The following PRRC2B variants were observed in gnomAD, a reference collection of about 807,000 sequenced individuals.
The protein encoded by PRRC2B is proline rich coiled-coil 2B.
Under a neutral mutation model 242.3 loss-of-function variants are expected in PRRC2B, and 68 were observed. That is an observed-to-expected ratio of 0.28 (90% CI 0.23 to 0.34). The LOEUF is 0.34. PRRC2B is among the 10% of genes least tolerant of loss of function. PRRC2B has a pLI of 1.00. For synonymous variants in PRRC2B, 1,228 were observed against 1,173.6 expected, an observed-to-expected ratio of 1.05 and a Z score of -0.95; for missense variants, 2,835 against 2,954.8, an observed-to-expected ratio of 0.96 and a Z score of 0.94.
chr9:131,450,995 T>A (rs1265671635), intron 9 of PRRC2B, among the ~76,000 whole-genome samples: 1 of 152,244 alleles, frequency 6.6e-6, no homozygotes, highest in Non-Finnish European at 1.5e-5. Flanking sequence ...GTCCTGAATG[T>A]CTTTTGTTAA....
chr9:131,481,039 C>G (rs970664212), intron 19 of PRRC2B, among the ~76,000 whole-genome samples: 2 of 151,778 alleles, frequency 1.3e-5, no homozygotes, highest in African/African-American at 4.8e-5. Context: ...TGGTGGCTCA[C>G]GTCTGTAATC....
rs1182770364 is a variant in PRRC2B, at chr9:131,494,713, A to C, written c.6555+227A>C. ...TCCTTCCTTGTCCTGCAGAGAAGGG[A>C]GGATGCTGATTCCTCTGAGGAGGTG... On this transcript the variant is annotated intron_variant, in intron 31 of 31. Coordinates refer to ENST00000683519, the MANE Select transcript of PRRC2B (RefSeq NM_013318.4). This position sits in a 1 kb window ranked among gnomAD's most constrained non-coding sequence, Gnocchi z 4.3. Among the ~76,000 whole-genome samples, 1 of 151,988 alleles carries C rather than the reference A, an allele frequency of 6.6e-6. No individual in the cohort carries two copies. The highest frequency in any genetic ancestry group is 1.5e-5 in the Non-Finnish European group (1 of 67,978).
intron 1 of PRRC2B, among the ~76,000 whole-genome samples, chr9:131,374,127 T>G (rs1232858818): frequency 6.6e-6 from 1 of 151,674 alleles, no homozygotes; most frequent in Non-Finnish European, 1.5e-5. Context: ...GATATTTCAG[T>G]CACCCTGATT....
At position 131,469,102 on chromosome 9, in the gene PRRC2B, G is replaced by A. The variant is rs138948878; in HGVS notation, c.1911+1349G>A. ...CGCCTGTAATCCCAGCACTTTGGGA[G>A]GCAGACAGATCACCTGAGGTCAGGA... On this transcript the variant is annotated intron_variant, in intron 13 of 31. Coordinates refer to ENST00000683519, the MANE Select transcript of PRRC2B (RefSeq NM_013318.4). Among the ~76,000 whole-genome samples, 436 of 152,250 alleles carry A rather than the reference G, an allele frequency of 2.9e-3. 1 individual carries two copies. Among genetic ancestry groups the A allele is most frequent in the Middle Eastern group, 0.014 (4 of 294 alleles).
intron 1 of PRRC2B, among the ~76,000 whole-genome samples, chr9:131,397,699 C>T (rs1837107811): frequency 6.7e-6 from 1 of 150,374 alleles, no homozygotes; most frequent in Non-Finnish European, 1.5e-5. Context: ...CTATTTCAAA[C>T]CAGAATAGGC....
intron 1 of PRRC2B, among the ~76,000 whole-genome samples, chr9:131,413,548 A>G (rs1837560832): frequency 6.6e-6 from 1 of 152,190 alleles, no homozygotes; most frequent in Non-Finnish European, 1.5e-5. Context: ...GCTAATTTTT[A>G]GTGGAGACGT....
intron 1 of PRRC2B, among the ~76,000 whole-genome samples, chr9:131,425,724 C>CG (rs1225118204): frequency 6.7e-6 from 1 of 149,282 alleles, no homozygotes; most frequent in Non-Finnish European, 1.5e-5. Context: ...CTCCTGACCT[C>CG]GTGATCACCC....
intron 5 of PRRC2B, among the ~76,000 whole-genome samples, chr9:131,439,343 A>G (rs1588251644): frequency 6.6e-6 from 1 of 152,162 alleles, no homozygotes; most frequent in African/African-American, 2.4e-5. Context: ...TTTCTAGCAT[A>G]CTGTGCTTCA....
rs1564278538 is a variant in PRRC2B, at chr9:131,420,472, TC to T, written c.-51-9621del. Among the ~76,000 whole-genome samples, 24 of 11,786 alleles carry T rather than the reference TC, an allele frequency of 2.0e-3. 1 individual carries two copies. Among genetic ancestry groups the T allele is most frequent in the African/African-American group, 4.0e-3 (23 of 5,756 alleles). The allele number at this position is 11,786 out of a possible 152,430, so 7.7% of individuals were successfully genotyped here. The stretch of plus-strand genomic sequence containing the variant: ...TTTTCTTTTTCTTTCTTTCTTTCTT[TC>T]TTTCTTTCTTTCTTTCTTTCTTTTT... On this transcript the variant is annotated intron_variant, in intron 1 of 31. Coordinates refer to ENST00000683519, the MANE Select transcript of PRRC2B (RefSeq NM_013318.4).
At chr9:131,450,676 T>C (rs1942886826) in intron 9 of PRRC2B, among the ~76,000 whole-genome samples, 1 of 152,012 alleles carries the variant, frequency 6.6e-6, no homozygotes. Flanking sequence ...CAACCTCTGC[T>C]TCCTGGGTTC....
At chr9:131,427,937 G>A (rs565188955) in intron 1 of PRRC2B, among the ~76,000 whole-genome samples, 16 of 152,144 alleles carry the variant, frequency 1.1e-4, no homozygotes, top group Non-Finnish European at 2.1e-4. Context: ...TGTTCTTGTT[G>A]TTGAGATGGA....
At position 131,450,267 on chromosome 9, in the gene PRRC2B, A is replaced by T. The variant is rs866871676; in HGVS notation, c.1120+2463A>T. Among the ~76,000 whole-genome samples the T allele has an allele frequency of 8.8e-4, 128 of 145,496 alleles. 1 individual carries two copies. The highest frequency in any genetic ancestry group is 3.1e-3 in the African/African-American group (123 of 39,666). On this transcript the variant is annotated intron_variant, in intron 9 of 31. Coordinates refer to ENST00000683519, the MANE Select transcript of PRRC2B (RefSeq NM_013318.4). ...TCAACATCGATAAGTGACATCTTAA[A>T]TTTTTTTTTTTTTTTCCCGAGACAG...
intron 13 of PRRC2B, among the ~76,000 whole-genome samples, chr9:131,469,062 G>C (rs11243401): frequency 6.6e-6 from 1 of 152,080 alleles, no homozygotes. Context: ...AGGAATTGCC[G>C]GGCGTGGTGG....
At chr9:131,457,173 T>G (rs570360332) in intron 10 of PRRC2B, among the ~76,000 whole-genome samples, 1 of 152,374 alleles carries the variant, frequency 6.6e-6, no homozygotes, top group African/African-American at 2.4e-5. Context: ...AAAATGAAAT[T>G]CTGTAATTTC....
chr9:131,443,705 AC>A (rs1404819472), intron 5 of PRRC2B, among the ~76,000 whole-genome samples: 2 of 152,196 alleles, frequency 1.3e-5, no homozygotes, highest in Middle Eastern at 3.2e-3. Context: ...TGCTAGGATT[AC>A]AGGTGTGAGC....
At chr9:131,459,581 C>T (rs1022981930) in intron 11 of PRRC2B, among the ~76,000 whole-genome samples, 3 of 152,012 alleles carry the variant, frequency 2.0e-5, no homozygotes, top group African/African-American at 4.8e-5. Flanking sequence ...CCACCATGCC[C>T]GGCTGTTCTT....
chr9:131,411,983 T>TC (rs1312503909), intron 1 of PRRC2B, among the ~76,000 whole-genome samples: 1 of 151,976 alleles, frequency 6.6e-6, no homozygotes, highest in African/African-American at 2.4e-5. Flanking sequence ...TTTTTTTTTT[T>TC]TTCTGTAGAG....
chr9:131,420,638 C>T (rs1448809230), intron 1 of PRRC2B, among the ~76,000 whole-genome samples: 1 of 150,468 alleles, frequency 6.6e-6, no homozygotes, highest in Non-Finnish European at 1.5e-5. Context: ...TACAGGCATG[C>T]ACTACCACGC....
chr9:131,485,558 A>T (rs1943996958), intron 25 of PRRC2B: 1 of 519,470 alleles, frequency 1.9e-6, no homozygotes, highest in South Asian at 1.5e-5. Context: ...TTGTATCAAC[A>T]GAGCCCTCAG....
Sources: gnomAD v4.1 joint callset for allele counts (sites outside exome capture counted in the v4.1 genomes callset) on GRCh38, gnomAD v4.1.1 for gene constraint, Gnocchi (gnomAD v3.1) non-coding constraint, MANE v1.5 for transcripts, NCBI Gene and HGNC (gene_info 2026-07-23, HGNC 2026-07-21) for gene names.